Variants in SSH2 observed in about 807,000 individuals in gnomAD.
SSH2 encodes the protein protein phosphatase Slingshot homolog 2.
Under a neutral mutation model 135.2 loss-of-function variants are expected in SSH2, and 37 were observed. The observed-to-expected ratio is 0.27, with a 90% confidence interval of 0.21 to 0.36. SSH2 has a LOEUF of 0.36. Ranked by LOEUF, SSH2 falls within the 10% of genes least tolerant of loss-of-function variation. SSH2 has a pLI of 1.00. For synonymous variants in SSH2, 628 were observed against 646.2 expected (o/e 0.97, Z 0.43); for missense variants, 1,408 against 1,765.3 (o/e 0.80, Z 3.63).
chr17:29,692,499 T>C (rs922068379), intron 5 of SSH2, among the ~76,000 whole-genome samples: 3 of 152,260 alleles, frequency 2.0e-5, no homozygotes, highest in African/African-American at 7.2e-5. Context: ...GTAAAGCAGC[T>C]GAAGATGCAT....
At chr17:29,897,204 T>C (rs1032337545) in intron 1 of SSH2, among the ~76,000 whole-genome samples, 27 of 152,154 alleles carry the variant, frequency 1.8e-4, no homozygotes, top group Non-Finnish European at 3.4e-4. Context: ...CCATCGAGGC[T>C]AGGAAGAAAC....
At chr17:29,781,158 T>C (rs2041832356) in intron 3 of SSH2, among the ~76,000 whole-genome samples, 1 of 152,192 alleles carries the variant, frequency 6.6e-6, no homozygotes, top group African/African-American at 2.4e-5. Context: ...ATTCTCAAAG[T>C]TAATATAGTC....
chr17:29,697,291 A>C (rs1224979637), intron 4 of SSH2, among the ~76,000 whole-genome samples: 1 of 152,234 alleles, frequency 6.6e-6, no homozygotes, highest in Non-Finnish European at 1.5e-5. Context: ...TGACATAGTC[A>C]CATAACCATG....
chr17:29,704,939 C>T (rs1406799332), intron 3 of SSH2, among the ~76,000 whole-genome samples: 1 of 152,116 alleles, frequency 6.6e-6, no homozygotes, highest in African/African-American at 2.4e-5. Flanking sequence ...TAAAGGTTAG[C>T]TAGCAGACTG....
chr17:29,703,664 C>T (rs1294962991), intron 3 of SSH2, among the ~76,000 whole-genome samples: 3 of 152,028 alleles, frequency 2.0e-5, no homozygotes, highest in Admixed American at 6.6e-5. Context: ...CAACAACCTC[C>T]GCCTCCCAGG....
intron 3 of SSH2, among the ~76,000 whole-genome samples, chr17:29,712,119 C>G (rs1376497013): frequency 1.3e-5 from 2 of 152,188 alleles, no homozygotes; most frequent in Non-Finnish European, 2.9e-5. Flanking sequence ...GAGAGGACTT[C>G]CAGGTCATAG....
intron 3 of SSH2, among the ~76,000 whole-genome samples, chr17:29,760,644 G>C (rs1398620310): frequency 2.6e-5 from 4 of 151,940 alleles, no homozygotes; most frequent in African/African-American, 9.7e-5. Context: ...CCGAAATCTA[G>C]CCTTCTGGAA....
intron 4 of SSH2, among the ~76,000 whole-genome samples, chr17:29,696,926 C>T (rs539676462): frequency 1.0e-3 from 159 of 151,998 alleles, no homozygotes; most frequent in Middle Eastern, 6.8e-3. Context: ...CCTTGTGATC[C>T]GCCTGCCTCG....
chr17:29,849,244 C>T (rs993417275), intron 1 of SSH2, among the ~76,000 whole-genome samples: 2 of 151,872 alleles, frequency 1.3e-5, no homozygotes, highest in Admixed American at 6.6e-5. Flanking sequence ...CTTTGGGAGG[C>T]GGAGGCAGGA....
chr17:29,706,259 C>T (rs1053010336), intron 3 of SSH2, among the ~76,000 whole-genome samples: 2 of 152,162 alleles, frequency 1.3e-5, no homozygotes, highest in African/African-American at 4.8e-5. Context: ...TGTTATCAGA[C>T]ATTGATTCAA....
chr17:29,742,528 CTCACTA>C (rs2040603199), intron 3 of SSH2, among the ~76,000 whole-genome samples: 1 of 121,510 alleles, frequency 8.2e-6, no homozygotes, highest in African/African-American at 3.3e-5. Flanking sequence ...GAGGTGAGGT[CTCACTA>C]TGTTGCCCAG....
chr17:29,670,535 C>T (rs2037450295), intron 9 of SSH2, among the ~76,000 whole-genome samples: 1 of 152,146 alleles, frequency 6.6e-6, no homozygotes, highest in South Asian at 2.1e-4. Context: ...GGTGGCTACG[C>T]CTGTAATCCC....
chr17:29,874,996 G>C (rs1157208761), intron 1 of SSH2, among the ~76,000 whole-genome samples: 4 of 152,044 alleles, frequency 2.6e-5, no homozygotes, highest in African/African-American at 9.7e-5. Context: ...AATCCCAAAT[G>C]TACAGATGCT....
intron 9 of SSH2, among the ~76,000 whole-genome samples, chr17:29,670,592 G>A (rs1319364777): frequency 1.3e-5 from 2 of 152,034 alleles, no homozygotes; most frequent in African/African-American, 2.4e-5. Context: ...TGGTCAACAT[G>A]GTGAAACCCC....
intron 3 of SSH2, chr17:29,761,173 G>C: frequency 7.8e-7 from 1 of 1,289,776 alleles, no homozygotes; most frequent in Non-Finnish European, 1.0e-6. Flanking sequence ...CGTTCTGCGA[G>C]ATGACCGCGT....
chr17:29,860,891 G>A (rs759229951), intron 1 of SSH2, among the ~76,000 whole-genome samples: 13 of 151,484 alleles, frequency 8.6e-5, no homozygotes, highest in East Asian at 1.9e-4. Flanking sequence ...GATTACAAGC[G>A]TGTGCCATGA....
intron 6 of SSH2, among the ~76,000 whole-genome samples, chr17:29,678,713 CTTTTTTTTTT>C (rs55889704): frequency 8.9e-6 from 1 of 112,074 alleles, no homozygotes; most frequent in Non-Finnish European, 1.7e-5. Context: ...AATACTATTT[CTTTTTTTTTT>C]TTTTTTTTTG....
chr17:29,753,325 T>G (rs966727477), intron 3 of SSH2, among the ~76,000 whole-genome samples: 1 of 151,482 alleles, frequency 6.6e-6, no homozygotes, highest in East Asian at 2.0e-4. Flanking sequence ...AGATGGGGTT[T>G]CACCATGTTG....
At chr17:29,688,260 C>T (rs559828631) in intron 5 of SSH2, among the ~76,000 whole-genome samples, 5 of 152,132 alleles carry the variant, frequency 3.3e-5, no homozygotes, top group African/African-American at 4.8e-5. Flanking sequence ...CCACCCGCCT[C>T]GGCCTCCCAA....
Sources: allele counts gnomAD v4.1 joint callset (sites outside exome capture counted in the v4.1 genomes callset), GRCh38; gene constraint gnomAD v4.1.1; transcripts MANE v1.5; gene names NCBI Gene and HGNC (gene_info 2026-07-23, HGNC 2026-07-21).